PHKA1: variants seen among roughly 807,000 people sequenced by gnomAD.
PHKA1 encodes the protein phosphorylase kinase regulatory subunit alpha 1.
PHKA1 carries 60 observed loss-of-function variants against 110.2 expected under a neutral mutation model. The ratio of observed to expected loss-of-function variants is 0.54; its 90% confidence interval spans 0.44 to 0.68. PHKA1 has a LOEUF of 0.68. Among genes scored for constraint, PHKA1 ranks in the 30% least tolerant of loss-of-function variants. PHKA1 has a pLI of 0.00. For synonymous variants in PHKA1, 316 were observed against 333.6 expected, an observed-to-expected ratio of 0.95 and a Z score of 0.58; for missense variants, 801 against 942.5, an observed-to-expected ratio of 0.85 and a Z score of 1.97.
chrX:72,694,071 G>A (rs782490013), intron 4 of PHKA1, among the ~76,000 whole-genome samples: 1 of 111,930 alleles, frequency 8.9e-6, no homozygotes, highest in Non-Finnish European at 1.9e-5. Flanking sequence ...CCCCCATTCT[G>A]TAAGTTGCAG....
chrX:72,628,180 T>A (rs2053112499), intron 16 of PHKA1, among the ~76,000 whole-genome samples: 1 of 110,782 alleles, frequency 9.0e-6, no homozygotes, highest in African/African-American at 3.3e-5. Flanking sequence ...TTTTTCTTAA[T>A]CTGATAGGTA....
At position 72,671,600 on chromosome X, in the gene PHKA1, C is replaced by T. The variant is rs1297814657; in HGVS notation, c.619-4127G>A. ...GGAAAAAACTACTTTAAAGTTCATA[C>T]GGAACCAAAAAAGAGCCCGCGTCGC... On this transcript the variant is annotated intron_variant, in intron 6 of 31. Transcript: ENST00000373542. Among the ~76,000 whole-genome samples, 797 of 110,121 alleles carry T rather than the reference C, an allele frequency of 7.2e-3. 6 individuals are homozygous for T. The highest frequency in any genetic ancestry group is 0.023 in the African/African-American group (696 of 30,232).
At chrX:72,651,714 G>A (rs1483746823) in intron 12 of PHKA1, among the ~76,000 whole-genome samples, 2 of 111,081 alleles carry the variant, frequency 1.8e-5, no homozygotes, top group East Asian at 5.6e-4. Context: ...TAGTAATGTC[G>A]ACTAAGAGTA....
At chrX:72,602,088 A>C in intron 27 of PHKA1, 59 bp from the exon 28 acceptor site, 12 of 1,100,056 alleles carry the variant, frequency 1.1e-5, no homozygotes, top group Non-Finnish European at 1.1e-5. Flanking sequence ...ATGACCCAAC[A>C]AAGTCTGATT....
At chrX:72,663,430 G>C (rs1412635958) in intron 8 of PHKA1, among the ~76,000 whole-genome samples, 22 of 110,903 alleles carry the variant, frequency 2.0e-4, no homozygotes, top group African/African-American at 6.5e-4. Context: ...AAAGACAAGA[G>C]ATGGGAAAAT....
chrX:72,672,424 G>A (rs1002756198), intron 6 of PHKA1, among the ~76,000 whole-genome samples: 20 of 111,566 alleles, frequency 1.8e-4, no homozygotes, highest in Admixed American at 1.5e-3. Context: ...GGCTTCTGGC[G>A]GGTAGAAACT....
At chrX:72,663,327 C>CAA (rs113508626) in intron 8 of PHKA1, among the ~76,000 whole-genome samples, 2 of 98,853 alleles carry the variant, frequency 2.0e-5, no homozygotes, top group African/African-American at 3.6e-5. Flanking sequence ...ACCAGGCATA[C>CAA]AAAAAAAAAA....
At chrX:72,654,966 T>A (rs896713642) in intron 10 of PHKA1, among the ~76,000 whole-genome samples, 2 of 108,937 alleles carry the variant, frequency 1.8e-5, no homozygotes, top group Non-Finnish European at 3.8e-5. Context: ...CCCGGCTAAT[T>A]TTTTGTATTT....
intron 17 of PHKA1, among the ~76,000 whole-genome samples, chrX:72,625,891 C>G (rs2053056287): frequency 9.0e-6 from 1 of 111,330 alleles, no homozygotes; most frequent in Non-Finnish European, 1.9e-5. Context: ...GTCTTGAACT[C>G]CTGGCTTCAA....
At chrX:72,646,671 G>A (rs2053363745) in intron 13 of PHKA1, among the ~76,000 whole-genome samples, 1 of 111,809 alleles carries the variant, frequency 8.9e-6, no homozygotes, top group Non-Finnish European at 1.9e-5. Flanking sequence ...GTCGGGGCTA[G>A]ATCTAAAGGG....
intron 4 of PHKA1, among the ~76,000 whole-genome samples, chrX:72,694,376 C>T (rs1393766285): frequency 8.9e-6 from 1 of 112,071 alleles, no homozygotes; most frequent in African/African-American, 3.2e-5. Flanking sequence ...TTGAATGACT[C>T]GCTACTGATG....
chrX:72,659,783 A>G (rs782815961), intron 8 of PHKA1, among the ~76,000 whole-genome samples: 1 of 112,610 alleles, frequency 8.9e-6, no homozygotes, highest in African/African-American at 3.2e-5. Context: ...AAACTTTTTC[A>G]TAGAGGACCA....
intron 16 of PHKA1, among the ~76,000 whole-genome samples, chrX:72,627,993 A>AT (rs1246121000): frequency 3.6e-3 from 385 of 105,925 alleles, no homozygotes; most frequent in Non-Finnish European, 5.2e-3. Flanking sequence ...AATTTTTTGT[A>AT]TTTTTTTTGT....
chrX:72,635,604 C>T (rs539752609), intron 15 of PHKA1, among the ~76,000 whole-genome samples: 1 of 111,694 alleles, frequency 9.0e-6, no homozygotes, highest in Non-Finnish European at 1.9e-5. Context: ...AGAGATGATA[C>T]GTGGATTAGT....
chrX:72,607,952 C>T (rs1177047486), intron 23 of PHKA1, among the ~76,000 whole-genome samples: 6 of 111,199 alleles, frequency 5.4e-5, no homozygotes, highest in African/African-American at 1.6e-4. Context: ...TGGTGCTCTA[C>T]CCCACTGTGG....
chrX:72,682,096 C>T (rs1556316011), intron 5 of PHKA1, among the ~76,000 whole-genome samples: 6 of 87,000 alleles, frequency 6.9e-5, no homozygotes, highest in Admixed American at 2.4e-4. Context: ...CGGCCCCCCG[C>T]CCGGCCAGCC....
chrX:72,613,125 C>G (rs1175947117), intron 21 of PHKA1, among the ~76,000 whole-genome samples: 4 of 111,189 alleles, frequency 3.6e-5, no homozygotes, highest in Non-Finnish European at 7.5e-5. Context: ...ACAGGCAAGT[C>G]CCAGAACTGT....
At chrX:72,709,651 C>A (rs1407454809) in intron 2 of PHKA1, among the ~76,000 whole-genome samples, 6 of 110,281 alleles carry the variant, frequency 5.4e-5, no homozygotes, top group Non-Finnish European at 1.1e-4. Flanking sequence ...TTAAAATCAC[C>A]CGGGTAGTTT....
rs1556207844 is a variant in PHKA1 at position 72,584,285 on chromosome X, A to C, written c.3261T>G (p.Val1087=). 1 of 1,209,174 alleles carries C rather than the reference A, an allele frequency of 8.3e-7. No homozygotes were observed. Among genetic ancestry groups the C allele is most frequent in the Non-Finnish European group, 1.1e-6 (1 of 893,143 alleles). Residue 1087 remains valine (V), a synonymous_variant, in exon 30 of 32, where the codon GTT becomes GTG. Coordinates refer to ENST00000373542, the MANE Select transcript of PHKA1 (RefSeq NM_002637.4). ...KVLQKCHGLS[V]EGFVLPSSTT... is the part of the protein sequence containing the mutation. ...TAGAGGAAGGAAGGACAAACCCTTCAACAGAAAGTCCGTGACACTGCAAAA... is the reference window on the plus strand; with the variant it reads ...TAGAGGAAGGAAGGACAAACCCTTCCACAGAAAGTCCGTGACACTGCAAAA...
Sources: gnomAD v4.1 joint callset for allele counts (sites outside exome capture counted in the v4.1 genomes callset) on GRCh38, gnomAD v4.1.1 for gene constraint, MANE v1.5 for transcripts, NCBI Gene and HGNC (gene_info 2026-07-23, HGNC 2026-07-21) for gene names.